The following CLN6 variants were observed in gnomAD, a reference collection of about 807,000 sequenced individuals.
The protein encoded by CLN6 is CLN6 transmembrane ER protein.
In CLN6, 22 loss-of-function variants were observed where a neutral mutation model predicts 33.3. The observed-to-expected ratio is 0.66, with a 90% CI of 0.47 to 0.94. The LOEUF (loss-of-function observed/expected upper bound fraction) is 0.94, where lower values mean the gene tolerates loss of function less well. Ranked by LOEUF, CLN6 falls within the 40% of genes least tolerant of loss-of-function variation. CLN6 has a pLI of 0.00. For missense variants in CLN6, 387 were observed against 417.1 expected (o/e 0.93, Z 0.63); for synonymous variants, 201 against 174.6 (o/e 1.15, Z -1.19).
intron 3 of CLN6, 107 bp downstream of exon 3, chr15:68,214,183 G>A (rs1482226724): frequency 2.3e-6 from 2 of 860,808 alleles, no homozygotes; most frequent in African/African-American, 1.7e-5. Flanking sequence ...CCCCCCAGCA[G>A]CAGGCAGGAG....
rs2141139539 is a variant in CLN6 at position 68,211,911 on chromosome 15, T to C, written c.298-48A>G. The C allele has an allele frequency of 1.3e-6, 2 of 1,553,686 alleles. No homozygotes were observed. Among genetic ancestry groups the C allele is most frequent in the Non-Finnish European group, 1.8e-6 (2 of 1,128,400 alleles). Reference sequence around the variant, plus strand: ...CAGCATGACCCCACCTCTGTCACAGTATGTGACACCCTCTGCTTCCCCCCT... The same window carrying C: ...CAGCATGACCCCACCTCTGTCACAGCATGTGACACCCTCTGCTTCCCCCCT... On this transcript the variant is annotated intron_variant, in intron 3 of 6. Transcript: ENST00000249806. The surrounding 1 kb of genome is among the most constrained non-coding windows in gnomAD (Gnocchi z 5.9).
At position 68,236,315 on chromosome 15, in the gene CLN6, T is replaced by C. The variant is rs1892219439; in HGVS notation, c.180-17665A>G. On this transcript the variant is annotated intron_variant, in intron 1 of 6. Coordinates refer to the CLN6 transcript ENST00000538696. This position sits in a 1 kb window ranked among gnomAD's most constrained non-coding sequence, Gnocchi z 4.5. ...AGAAAAACTTACAGATGAATGTTCA[T>C]AGGAGCATTATTCATAATAGCCAAC... 6.6e-6 allele frequency among the ~76,000 whole-genome samples: 1 copy of C among 152,196 alleles called. No homozygotes were observed.
rs1366016743 is a variant in CLN6 at position 68,207,787 on chromosome 15, C to T, written c.*353G>A. The T allele has an allele frequency of 2.7e-6, 1 of 369,876 alleles. No homozygotes were observed. Among genetic ancestry groups the T allele is most frequent in the Non-Finnish European group, 5.2e-6 (1 of 193,410 alleles). The allele number at this position is 369,876 out of a possible 1,614,324, so 22.9% of individuals were successfully genotyped here. On this transcript the variant is annotated 3_prime_UTR_variant, in exon 7 of 7. Coordinates refer to ENST00000249806, the MANE Select transcript of CLN6 (RefSeq NM_017882.3). ...ACCCAGCCCTCTCCTGCACGGCTAC[C>T]AGAAGATGTCCGGGAAGAACAGACT...
intron 1 of CLN6, among the ~76,000 whole-genome samples, chr15:68,244,770 C>A (rs1032252650): frequency 2.6e-5 from 4 of 152,056 alleles, no homozygotes; most frequent in African/African-American, 9.7e-5. Context: ...TGTTAAGAGA[C>A]AGGCAATAGC....
At position 68,214,393 on chromosome 15, in the gene CLN6, G is replaced by A. The variant is rs371705916; in HGVS notation, c.199-5C>T. The A allele has an allele frequency of 4.3e-5, 70 of 1,609,902 alleles. No homozygotes were observed. Among genetic ancestry groups the A allele is most frequent in the East Asian group, 6.7e-5 (3 of 44,842 alleles). On this transcript the variant is annotated splice_polypyrimidine_tract_variant and splice_region_variant and intron_variant, in intron 2 of 6. Transcript: ENST00000249806. ...CCACTCGAGAGGGAATACCAGCTGC[G>A]GAGCAAATGGAAGAATGGGCTCACC...
At chr15:68,222,828 C>A (rs536149912) in intron 1 of CLN6, among the ~76,000 whole-genome samples, 11 of 152,266 alleles carry the variant, frequency 7.2e-5, no homozygotes, top group African/African-American at 2.6e-4. Flanking sequence ...AACCTTACCC[C>A]CAACCCCGTG....
intron 1 of CLN6, among the ~76,000 whole-genome samples, chr15:68,218,913 G>A (rs1033750652): frequency 2.6e-5 from 4 of 152,176 alleles, no homozygotes; most frequent in East Asian, 1.9e-4. Flanking sequence ...GGGTTTCTCC[G>A]CTACTGAAAG....
chr15:68,216,197 G>A (rs576713422), intron 2 of CLN6, among the ~76,000 whole-genome samples: 3 of 152,190 alleles, frequency 2.0e-5, no homozygotes, highest in South Asian at 2.1e-4. Context: ...AGGGAGCCAC[G>A]AGCCCACTCC....
Position 68,211,001 on chromosome 15 carries a change from C to G in CLN6, c.542+262G>C, listed in dbSNP as rs1363634369. On this transcript the variant is annotated intron_variant, in intron 5 of 6. Transcript: ENST00000249806. The surrounding 1 kb of genome is among the most constrained non-coding windows in gnomAD (Gnocchi z 5.9). ...TGCCCTCTGCTGGCCACAGCGGGCA[C>G]TGAGGGCTGGGCGGGGGTGGCGATG... is the stretch of plus-strand genomic sequence containing the variant. Among the ~76,000 whole-genome samples, 1 of 152,208 alleles carries G rather than the reference C, an allele frequency of 6.6e-6. No individual in the cohort carries two copies. The highest frequency in any genetic ancestry group is 1.5e-5 in the Non-Finnish European group (1 of 68,024).
Position 68,211,664 on chromosome 15 carries a change from G to C in CLN6, c.486+11C>G. 1 of 1,613,160 alleles carries C rather than the reference G, an allele frequency of 6.2e-7. No individual in the cohort carries two copies. The highest frequency in any genetic ancestry group is 8.5e-7 in the Non-Finnish European group (1 of 1,179,986). The stretch of plus-strand genomic sequence containing the variant: ...TAGGGCTTACAGGCAGGGAGCAGGA[G>C]GTGGCCTCACCAGCGTCTCCGGCTT... On this transcript the variant is annotated intron_variant, in intron 4 of 6. Coordinates refer to ENST00000249806, the MANE Select transcript of CLN6 (RefSeq NM_017882.3). This position sits in a 1 kb window ranked among gnomAD's most constrained non-coding sequence, Gnocchi z 5.9.
intron 1 of CLN6, among the ~76,000 whole-genome samples, chr15:68,238,765 G>A (rs1381160285): frequency 6.6e-6 from 1 of 152,146 alleles, no homozygotes; most frequent in Non-Finnish European, 1.5e-5. Flanking sequence ...AATGATCGCA[G>A]AAGAAGGGAA....
intron 2 of CLN6, among the ~76,000 whole-genome samples, chr15:68,216,500 G>A (rs1042183252): frequency 2.6e-5 from 4 of 152,196 alleles, no homozygotes; most frequent in African/African-American, 9.7e-5. Flanking sequence ...TGCCAGGACA[G>A]CTTTTCTTTA....
At chr15:68,249,391 A>G (rs1175457267) in intron 1 of CLN6, among the ~76,000 whole-genome samples, 1 of 152,248 alleles carries the variant, frequency 6.6e-6, no homozygotes, top group African/African-American at 2.4e-5. Context: ...CTGCAGCACT[A>G]TTCACAATAA....
In CLN6 at chr15:68,256,803, G is replaced by T. The variant is rs1892442331; in HGVS notation, c.66C>A (p.Ala22=). The stretch of plus-strand genomic sequence containing the variant: ...CCTCGCCTCCCTCCCTCCTAGGGAT[G>T]GCTCCCAGTGTCTCTGGCCGGGGCC... Residue 22 remains alanine (A), a synonymous_variant, in exon 1 of 7, where the codon GCC becomes GCA. Coordinates refer to the CLN6 transcript ENST00000538696. The surrounding 1 kb of genome is among the most constrained non-coding windows in gnomAD (Gnocchi z 4.1). The T allele has an allele frequency of 2.8e-6, 2 of 702,076 alleles. No individual in the cohort carries two copies. Among genetic ancestry groups the T allele is most frequent in the Non-Finnish European group, 5.2e-6 (2 of 384,698 alleles). The allele number at this position is 702,076 out of a possible 1,614,324, so 43.5% of individuals were successfully genotyped here.
chr15:68,211,739 C>G lies in CLN6; in HGVS notation c.422G>C (p.Gly141Ala). ...ACGGACAGACAGGTGGTGCTGGTAG[C>G]CACTGAAGAGCAGGCGGTGGTTGAC... is the stretch of plus-strand genomic sequence containing the variant. ...DSVNHRLLFS[G>A]YQHHLSVREN... is the part of the protein sequence containing the mutation. The change falls in exon 4 of 7, where the codon GGC becomes GCC. Residue 141 changes from glycine (G) to alanine (A), a missense_variant. By Grantham distance (60) the Gly-to-Ala change is moderately conservative (BLOSUM62 0). Transcript: ENST00000249806. This position sits in a 1 kb window ranked among gnomAD's most constrained non-coding sequence, Gnocchi z 5.9. The G allele has an allele frequency of 6.2e-7, 1 of 1,613,946 alleles. No individual in the cohort carries two copies. The highest frequency in any genetic ancestry group is 8.5e-7 in the Non-Finnish European group (1 of 1,180,012).
Position 68,214,272 on chromosome 15 carries a change from G to C in CLN6, c.297+18C>G, listed in dbSNP as rs745619273. 6.3e-6 allele frequency: 10 copies of C among 1,580,768 alleles called. No individual in the cohort carries two copies. The East Asian group carries it at 2.0e-4, about 32-fold the overall frequency. On this transcript the variant is annotated intron_variant, in intron 3 of 6. Transcript: ENST00000249806. ...AGAATGGGGATGACAGGAGAGAGTG[G>C]GGGCCCTGGGACAGTACCTTGAGCA...
intron 2 of CLN6, among the ~76,000 whole-genome samples, chr15:68,215,989 T>C (rs1567097084): frequency 6.6e-6 from 1 of 152,120 alleles, no homozygotes; most frequent in African/African-American, 2.4e-5. Context: ...TGTAAATGTT[T>C]TTGTTTTTAA....
At chr15:68,250,653 CTAGA>C (rs752310433) in intron 1 of CLN6, among the ~76,000 whole-genome samples, 18 of 151,352 alleles carry the variant, frequency 1.2e-4, no homozygotes, top group Non-Finnish European at 2.1e-4. Context: ...AAAATCAAGC[CTAGA>C]TAGTTTTCAC....
chr15:68,216,945 A>G (rs796437618), intron 2 of CLN6, among the ~76,000 whole-genome samples: 3 of 152,338 alleles, frequency 2.0e-5, no homozygotes, highest in African/African-American at 7.2e-5. Flanking sequence ...GCTGGCCTCT[A>G]TGCTTGACCT....
Sources: allele counts gnomAD v4.1 joint callset (sites outside exome capture counted in the v4.1 genomes callset), GRCh38; gene constraint gnomAD v4.1.1; non-coding constraint Gnocchi (gnomAD v3.1); transcripts MANE v1.5; gene names NCBI Gene and HGNC (gene_info 2026-07-23, HGNC 2026-07-21).